FAM78B: variants seen among roughly 807,000 people sequenced by gnomAD.
FAM78B encodes the protein protein FAM78B.
A neutral mutation model predicts 20.0 loss-of-function variants in FAM78B; 10 were observed. The ratio of observed to expected loss-of-function variants is 0.50; its 90% confidence interval spans 0.31 to 0.85. The LOEUF is 0.85. Ranked by LOEUF, FAM78B falls within the 40% of genes least tolerant of loss-of-function variation. The pLI is 0.05. For synonymous variants in FAM78B, 135 were observed against 132.8 expected, an observed-to-expected ratio of 1.02 and a Z score of -0.12; for missense variants, 283 against 345.0, an observed-to-expected ratio of 0.82 and a Z score of 1.42.
intron 2 of FAM78B, among the ~76,000 whole-genome samples, chr1:166,061,134 A>G (rs1220585551): frequency 1.3e-5 from 2 of 152,238 alleles, no homozygotes; most frequent in African/African-American, 2.4e-5. Flanking sequence ...TCCAAATCAC[A>G]TGAGATAAAA....
chr1:166,162,253 C>G (rs1177906116), intron 1 of FAM78B, among the ~76,000 whole-genome samples: 1 of 152,194 alleles, frequency 6.6e-6, no homozygotes, highest in Non-Finnish European at 1.5e-5. Context: ...TGAGCGGGTA[C>G]AGCCAAATCC....
intron 1 of FAM78B, among the ~76,000 whole-genome samples, chr1:166,161,233 A>G (rs12406413): frequency 0.066 from 9,917 of 151,176 alleles, 640 homozygotes; most frequent in Admixed American, 0.14. Flanking sequence ...TGCAACCTCC[A>G]CCTCCCAGGC....
At chr1:166,084,534 G>GAGTT (rs1652728442) in intron 1 of FAM78B, among the ~76,000 whole-genome samples, 1 of 152,226 alleles carries the variant, frequency 6.6e-6, no homozygotes, top group Non-Finnish European at 1.5e-5. Flanking sequence ...CACAAGGGAA[G>GAGTT]AGTTATGGTT....
At position 166,060,463 on chromosome 1, in the gene FAM78B, T is replaced by C. The variant is rs1246793418; in HGVS notation, c.*610A>G. On this transcript the variant is annotated 3_prime_UTR_variant and NMD_transcript_variant, in exon 3 of 3. Coordinates refer to the FAM78B transcript ENST00000435676. ...CAATCAGCCCAGGGCAAGTGCCACA[T>C]GGCTCGTGGAGGGTGGGTAGGAGGG... 5.5e-6 allele frequency: 3 copies of C among 542,500 alleles called. 1 individual carries two copies. Among genetic ancestry groups the C allele is most frequent in the South Asian group, 4.7e-5 (3 of 63,918 alleles). 33.6% of individuals were successfully genotyped at this position (542,500 alleles called of 1,614,324 possible).
intron 1 of FAM78B, among the ~76,000 whole-genome samples, chr1:166,125,213 A>C (rs1389860653): frequency 6.6e-6 from 1 of 152,004 alleles, no homozygotes; most frequent in Non-Finnish European, 1.5e-5. Flanking sequence ...TCTTTTTCCT[A>C]TGGTTGTGGG....
chr1:166,156,192 A>G (rs1195265110), intron 1 of FAM78B, among the ~76,000 whole-genome samples: 3 of 152,236 alleles, frequency 2.0e-5, no homozygotes, highest in Non-Finnish European at 4.4e-5. Flanking sequence ...TTGATGTGCC[A>G]TCCTTTATTT....
chr1:166,084,413 T>C (rs1049386938), intron 1 of FAM78B, among the ~76,000 whole-genome samples: 1 of 152,158 alleles, frequency 6.6e-6, no homozygotes, highest in Non-Finnish European at 1.5e-5. Context: ...TCCTCATCTA[T>C]AAAACAGAGA....
intron 1 of FAM78B, among the ~76,000 whole-genome samples, chr1:166,113,185 G>A (rs1654125596): frequency 6.6e-6 from 1 of 152,244 alleles, no homozygotes; most frequent in African/African-American, 2.4e-5. Flanking sequence ...TCTGGACCAG[G>A]TTTGTTGGCC....
chr1:166,118,117 A>T (rs1408276492), intron 1 of FAM78B, among the ~76,000 whole-genome samples: 1 of 152,214 alleles, frequency 6.6e-6, no homozygotes. Flanking sequence ...AGCAGGCATA[A>T]CTAGGACCAC....
intron 1 of FAM78B, among the ~76,000 whole-genome samples, chr1:166,077,458 A>G (rs1441957851): frequency 6.6e-6 from 1 of 151,828 alleles, no homozygotes; most frequent in East Asian, 1.9e-4. Context: ...AACAGGAAGA[A>G]AAATAACTCC....
At chr1:166,073,267 C>CTT (rs1335013293) in intron 1 of FAM78B, among the ~76,000 whole-genome samples, 1 of 152,184 alleles carries the variant, frequency 6.6e-6, no homozygotes, top group African/African-American at 2.4e-5. Context: ...ACTGTTGTTA[C>CTT]TTCTGCAACT....
At chr1:166,091,148 T>C (rs1198305613) in intron 1 of FAM78B, among the ~76,000 whole-genome samples, 3 of 152,106 alleles carry the variant, frequency 2.0e-5, no homozygotes, top group Non-Finnish European at 4.4e-5. Context: ...GTAGAACTAC[T>C]TGTTTCTGTA....
intron 1 of FAM78B, among the ~76,000 whole-genome samples, chr1:166,164,459 A>C (rs1656279288): frequency 6.6e-6 from 1 of 152,246 alleles, no homozygotes; most frequent in African/African-American, 2.4e-5. Flanking sequence ...GATTCGCCCC[A>C]AATAAAATAT....
At chr1:166,142,283 C>A (rs1040715513) in intron 1 of FAM78B, among the ~76,000 whole-genome samples, 5 of 152,186 alleles carry the variant, frequency 3.3e-5, no homozygotes, top group African/African-American at 1.2e-4. Flanking sequence ...ACTCTGCACC[C>A]AAAAATCTAC....
intron 1 of FAM78B, among the ~76,000 whole-genome samples, chr1:166,133,478 G>A (rs879464200): frequency 1.3e-5 from 2 of 151,984 alleles, no homozygotes; most frequent in Non-Finnish European, 2.9e-5. Context: ...CAAAACACAA[G>A]ATGTCTTTGC....
At chr1:166,064,501 G>C (rs780820388), downstream of FAM78B, among the ~76,000 whole-genome samples, 93 of 152,098 alleles carry the variant, frequency 6.1e-4, no homozygotes, top group Non-Finnish European at 1.0e-3. Flanking sequence ...AAGGCCGCTT[G>C]GAGTTCCAGC....
At chr1:166,141,537 T>C (rs187238476) in intron 1 of FAM78B, among the ~76,000 whole-genome samples, 123 of 152,378 alleles carry the variant, frequency 8.1e-4, no homozygotes, top group Non-Finnish European at 1.5e-3. Context: ...TATGTGCCGG[T>C]AGCTAGGCCC....
intron 1 of FAM78B, among the ~76,000 whole-genome samples, chr1:166,114,931 G>A (rs1434151901): frequency 6.6e-6 from 1 of 152,134 alleles, no homozygotes; most frequent in Non-Finnish European, 1.5e-5. Flanking sequence ...CTGGTCTTCT[G>A]GAACAAGTTC....
At chr1:166,165,561 C>T (rs1656335892) in intron 1 of FAM78B, among the ~76,000 whole-genome samples, 1 of 152,138 alleles carries the variant, frequency 6.6e-6, no homozygotes, top group Non-Finnish European at 1.5e-5. Flanking sequence ...CTCCAAAGGA[C>T]GCGCGGCACA....
Sources: gnomAD v4.1 joint callset for allele counts (sites outside exome capture counted in the v4.1 genomes callset) on GRCh38, gnomAD v4.1.1 for gene constraint, MANE v1.5 for transcripts, NCBI Gene and HGNC (gene_info 2026-07-23, HGNC 2026-07-21) for gene names.